Variants in TENM3 observed in about 807,000 individuals in gnomAD.
The protein encoded by TENM3 is teneurin transmembrane protein 3.
Under a neutral mutation model 255.1 loss-of-function variants are expected in TENM3, and 63 were observed. That is an observed-to-expected ratio of 0.25 (90% CI 0.20 to 0.30). TENM3 has a LOEUF of 0.30. Among genes scored for constraint, TENM3 ranks in the 10% least tolerant of loss-of-function variants. The pLI, the probability that TENM3 is intolerant of heterozygous loss-of-function variation, is 1.00. For synonymous variants in TENM3, 1,306 were observed against 1,322.3 expected (o/e 0.99, Z 0.27); for missense variants, 2,929 against 3,461.1 (o/e 0.85, Z 3.86).
the TENM3 span, among the ~76,000 whole-genome samples, chr4:181,760,029 A>G: frequency 6.6e-6 from 1 of 152,124 alleles, no homozygotes; most frequent in Non-Finnish European, 1.5e-5. Flanking sequence ...TGCTGCCTAC[A>G]GAGAATATAT....
the TENM3 span, among the ~76,000 whole-genome samples, chr4:181,683,093 T>A: frequency 6.6e-6 from 1 of 151,852 alleles, no homozygotes; most frequent in African/African-American, 2.4e-5. Flanking sequence ...AATAAAATTT[T>A]AAAAAATAAA....
the TENM3 span, among the ~76,000 whole-genome samples, chr4:181,504,047 C>T: frequency 6.6e-6 from 1 of 152,202 alleles, no homozygotes; most frequent in Non-Finnish European, 1.5e-5. Flanking sequence ...GAGCACTGTG[C>T]CTTAATCATC....
At chr4:181,814,323 A>G in the TENM3 span, among the ~76,000 whole-genome samples, 856 of 152,334 alleles carry the variant, frequency 5.6e-3, 5 homozygotes, top group African/African-American at 0.019. Flanking sequence ...GTTTACAAAC[A>G]AAAAATAGTA....
At chr4:182,331,318 G>A (rs564354549) in intron 2 of TENM3, among the ~76,000 whole-genome samples, 1 of 152,138 alleles carries the variant, frequency 6.6e-6, no homozygotes, top group Admixed American at 6.5e-5. Context: ...GGCCGAGGTG[G>A]ATGGATCACT....
chr4:182,060,367 T>C, the TENM3 span, among the ~76,000 whole-genome samples: 25 of 152,178 alleles, frequency 1.6e-4, no homozygotes, highest in African/African-American at 5.8e-4. Flanking sequence ...TGGTTTCAGG[T>C]TGAAACTGTT....
At chr4:182,135,324 T>G in the TENM3 span, among the ~76,000 whole-genome samples, 1 of 152,106 alleles carries the variant, frequency 6.6e-6, no homozygotes, top group Non-Finnish European at 1.5e-5. Context: ...GGGACGTTTG[T>G]ACCCTAAGAG....
chr4:181,682,319 G>A, the TENM3 span, among the ~76,000 whole-genome samples: 1 of 152,092 alleles, frequency 6.6e-6, no homozygotes, highest in African/African-American at 2.4e-5. Flanking sequence ...TTCAGTGACA[G>A]CAGGGTTTTT....
the TENM3 span, among the ~76,000 whole-genome samples, chr4:181,699,539 A>G: frequency 6.6e-6 from 1 of 150,808 alleles, no homozygotes; most frequent in South Asian, 2.1e-4. Flanking sequence ...CAATTTATAG[A>G]GACTAATTAA....
intron 1 of TENM3, among the ~76,000 whole-genome samples, chr4:182,167,215 G>A (rs1751777572): frequency 6.6e-6 from 1 of 152,176 alleles, no homozygotes; most frequent in Admixed American, 6.5e-5. Context: ...AATAAAATCA[G>A]AAAGCTTGAG....
At chr4:182,102,270 T>C in the TENM3 span, among the ~76,000 whole-genome samples, 4,091 of 152,228 alleles carry the variant, frequency 0.027, 129 homozygotes, top group East Asian at 0.15. Flanking sequence ...CCATAGACCA[T>C]TGGAGCCCTG....
chr4:182,037,436 C>T, the TENM3 span, among the ~76,000 whole-genome samples: 1 of 152,186 alleles, frequency 6.6e-6, no homozygotes, highest in African/African-American at 2.4e-5. Context: ...GCGTGAGCCA[C>T]CATGCCTGGC....
intron 24 of TENM3, among the ~76,000 whole-genome samples, chr4:182,782,355 T>C (rs1765241613): frequency 7.6e-6 from 1 of 131,244 alleles, no homozygotes; most frequent in East Asian, 2.1e-4. Context: ...TTCCATGTAG[T>C]TGAGCGGTTT....
At chr4:181,535,135 C>T in the TENM3 span, among the ~76,000 whole-genome samples, 3 of 152,122 alleles carry the variant, frequency 2.0e-5, no homozygotes, top group Admixed American at 2.0e-4. Flanking sequence ...GTCACAGTCC[C>T]GGGATGTCCC....
intron 24 of TENM3, among the ~76,000 whole-genome samples, chr4:182,787,369 C>A (rs552438372): frequency 2.0e-5 from 3 of 152,306 alleles, no homozygotes; most frequent in Admixed American, 2.0e-4. Flanking sequence ...AACCACCACT[C>A]CGGACTATCT....
intron 3 of TENM3, among the ~76,000 whole-genome samples, chr4:182,596,847 T>C (rs1284355943): frequency 6.6e-6 from 1 of 152,224 alleles, no homozygotes; most frequent in Admixed American, 6.5e-5. Context: ...CTGGTGACTA[T>C]GTGAGGTCTG....
the TENM3 span, among the ~76,000 whole-genome samples, chr4:181,796,390 G>C: frequency 4.6e-5 from 7 of 152,328 alleles, no homozygotes; most frequent in East Asian, 1.4e-3. Flanking sequence ...ATGTTCAGTG[G>C]GGGAATGGTT....
At chr4:182,736,061 T>C (rs553093283) in intron 16 of TENM3, among the ~76,000 whole-genome samples, 1 of 152,350 alleles carries the variant, frequency 6.6e-6, no homozygotes, top group African/African-American at 2.4e-5. Flanking sequence ...CTAGGATAAA[T>C]TGTATGGAGC....
At chr4:181,567,146 A>C in the TENM3 span, among the ~76,000 whole-genome samples, 4 of 152,214 alleles carry the variant, frequency 2.6e-5, no homozygotes, top group African/African-American at 9.6e-5. Context: ...GAATTTTAAT[A>C]GGTATTATCA....
intron 24 of TENM3, 91 bp downstream of exon 24, chr4:182,775,244 C>A: frequency 9.0e-7 from 1 of 1,112,352 alleles, no homozygotes; most frequent in Non-Finnish European, 1.3e-6. Context: ...GCTCACCCCC[C>A]TATGTCTACA....
Sources: allele counts gnomAD v4.1 joint callset (sites outside exome capture counted in the v4.1 genomes callset), GRCh38; gene constraint gnomAD v4.1.1; transcripts MANE v1.5; gene names NCBI Gene and HGNC (gene_info 2026-07-23, HGNC 2026-07-21).